RBFOX3: variants seen among roughly 807,000 people sequenced by gnomAD.
The protein encoded by RBFOX3 is RNA binding fox-1 homolog 3.
A neutral mutation model predicts 48.7 loss-of-function variants in RBFOX3; 17 were observed. That is an observed-to-expected ratio of 0.35 (90% confidence interval 0.24 to 0.52). The LOEUF (loss-of-function observed/expected upper bound fraction) is 0.52, where lower values mean the gene tolerates loss of function less well. RBFOX3 is among the 20% of genes least tolerant of loss of function. The pLI is 0.94. For synonymous variants in RBFOX3, 212 were observed against 209.5 expected (o/e 1.01, Z -0.10); for missense variants, 382 against 497.5 (o/e 0.77, Z 2.21).
intron 4 of RBFOX3, among the ~76,000 whole-genome samples, chr17:79,176,186 T>C (rs2050502480): frequency 6.6e-6 from 1 of 152,204 alleles, no homozygotes; most frequent in Non-Finnish European, 1.5e-5. Flanking sequence ...GTGGATTCCC[T>C]GAGCTGTGCA....
intron 1 of RBFOX3, among the ~76,000 whole-genome samples, chr17:79,483,900 C>A (rs2079140285): frequency 6.6e-6 from 1 of 152,208 alleles, no homozygotes; most frequent in African/African-American, 2.4e-5. Context: ...ATGGAGGGGA[C>A]TGAAGGATTC....
intron 5 of RBFOX3, among the ~76,000 whole-genome samples, chr17:79,109,494 C>T (rs866371373): frequency 6.6e-6 from 1 of 152,238 alleles, no homozygotes; most frequent in African/African-American, 2.4e-5. Context: ...TGCCATCCTC[C>T]TTGGTCCCAA....
At chr17:79,398,436 A>C (rs1465150795) in intron 2 of RBFOX3, among the ~76,000 whole-genome samples, 1 of 151,968 alleles carries the variant, frequency 6.6e-6, no homozygotes, top group Admixed American at 6.5e-5. Flanking sequence ...GCCTGACGAT[A>C]TCTGTCAGCG....
intron 4 of RBFOX3, among the ~76,000 whole-genome samples, chr17:79,175,126 T>C (rs955521803): frequency 2.0e-5 from 3 of 152,002 alleles, no homozygotes; most frequent in Admixed American, 2.0e-4. Context: ...ACATGATAAC[T>C]CCGCCAGGGC....
intron 3 of RBFOX3, among the ~76,000 whole-genome samples, chr17:79,253,137 C>T (rs566519935): frequency 6.6e-6 from 1 of 152,266 alleles, no homozygotes; most frequent in South Asian, 2.1e-4. Context: ...TGGCGGCCGA[C>T]AGACACCGCA....
chr17:79,390,880 G>A lies in RBFOX3; in HGVS notation c.-174-83056C>T, dbSNP rs1016106748. ...AGGCACCTTCCTGCCCAGACACCTC[G>A]GGATGAGCCCCTGGTGGGACTGCTC... On this transcript the variant is annotated intron_variant, in intron 2 of 14. Coordinates refer to ENST00000693108, the MANE Select transcript of RBFOX3 (RefSeq NM_001350451.2). This position sits in a 1 kb window ranked among gnomAD's most constrained non-coding sequence, Gnocchi z 4.2. 3.3e-5 allele frequency among the ~76,000 whole-genome samples: 5 copies of A among 152,156 alleles called. No homozygotes were observed. The highest frequency in any genetic ancestry group is 2.0e-4 in the Admixed American group (3 of 15,280).
intron 4 of RBFOX3, among the ~76,000 whole-genome samples, chr17:79,126,813 G>A (rs922223373): frequency 3.9e-5 from 6 of 152,246 alleles, no homozygotes; most frequent in South Asian, 2.1e-4. Flanking sequence ...CCTCCTGACC[G>A]GTGCTTTACT....
At chr17:79,560,737 C>T (rs1336124705) in intron 1 of RBFOX3, among the ~76,000 whole-genome samples, 4 of 152,230 alleles carry the variant, frequency 2.6e-5, no homozygotes, top group Non-Finnish European at 2.9e-5. Flanking sequence ...CCCCCACCCA[C>T]TTCCCCACCC....
the RBFOX3 span, among the ~76,000 whole-genome samples, chr17:79,638,186 A>G: frequency 6.6e-6 from 1 of 152,214 alleles, no homozygotes; most frequent in Non-Finnish European, 1.5e-5. Context: ...TCAAGGAAGT[A>G]GAAAAAGAGA....
At chr17:79,424,804 C>T (rs534678251) in intron 2 of RBFOX3, among the ~76,000 whole-genome samples, 2 of 152,264 alleles carry the variant, frequency 1.3e-5, no homozygotes, top group South Asian at 4.1e-4. Flanking sequence ...CCTGCCTGGA[C>T]GGATGCTGGT....
intron 3 of RBFOX3, among the ~76,000 whole-genome samples, chr17:79,251,375 T>C (rs978578337): frequency 4.6e-5 from 7 of 152,120 alleles, no homozygotes; most frequent in Admixed American, 2.0e-4. Flanking sequence ...CCCCTCCCAG[T>C]ATAGTCAATG....
At chr17:79,225,887 A>T (rs1197963626) in intron 4 of RBFOX3, among the ~76,000 whole-genome samples, 2 of 151,936 alleles carry the variant, frequency 1.3e-5, no homozygotes, top group African/African-American at 4.8e-5. Context: ...GTCAACAAAC[A>T]TAATTTAGAA....
At chr17:79,237,941 T>G (rs554087983) in intron 3 of RBFOX3, among the ~76,000 whole-genome samples, 2 of 52,298 alleles carry the variant, frequency 3.8e-5, no homozygotes, top group Non-Finnish European at 7.2e-5. Flanking sequence ...TTTGGGGGAT[T>G]TTTTTCTATT....
intron 2 of RBFOX3, among the ~76,000 whole-genome samples, chr17:79,402,647 GC>G (rs1333860003): frequency 9.2e-5 from 14 of 152,328 alleles, no homozygotes; most frequent in African/African-American, 3.1e-4. Flanking sequence ...TCTACGACTG[GC>G]TATCATCTTT....
rs577280218 is a variant in RBFOX3 at position 79,294,680 on chromosome 17, C to A, written c.-74+13044G>T. On this transcript the variant is annotated intron_variant, in intron 3 of 14. Transcript: ENST00000693108. Reference sequence around the variant, plus strand: ...GTTCAGCACCACGGACAGCGACCTGCGGGTGGGAGACGCTGCCAGCCACGC... The same window carrying A: ...GTTCAGCACCACGGACAGCGACCTGAGGGTGGGAGACGCTGCCAGCCACGC... 6.6e-5 allele frequency among the ~76,000 whole-genome samples: 10 copies of A among 152,260 alleles called. No individual in the cohort carries two copies. The East Asian group carries it at 1.9e-3, about 29-fold the overall frequency.
At chr17:79,548,926 T>C (rs1555792800) in intron 1 of RBFOX3, among the ~76,000 whole-genome samples, 1 of 152,230 alleles carries the variant, frequency 6.6e-6, no homozygotes, top group East Asian at 1.9e-4. Context: ...ATGGTAATTG[T>C]TGCAGTAACA....
At position 79,212,262 on chromosome 17, in the gene RBFOX3, G is replaced by A. The variant is rs1007469678; in HGVS notation, c.-34+23504C>T. Among the ~76,000 whole-genome samples, 2 of 152,114 alleles carry A rather than the reference G, an allele frequency of 1.3e-5. No individual in the cohort carries two copies. The highest frequency in any genetic ancestry group is 2.9e-5 in the Non-Finnish European group (2 of 68,008). On this transcript the variant is annotated intron_variant, in intron 4 of 14. Transcript: ENST00000693108. This position sits in a 1 kb window ranked among gnomAD's most constrained non-coding sequence, Gnocchi z 4.7. The stretch of plus-strand genomic sequence containing the variant: ...CGCTGCCCTGGGTTCTTCCAGGCTG[G>A]GGCTGGGGCTGGGGCAGGGCTGCTC...
At chr17:79,337,940 G>C (rs1377485416) in intron 2 of RBFOX3, among the ~76,000 whole-genome samples, 1 of 145,210 alleles carries the variant, frequency 6.9e-6, no homozygotes, top group Non-Finnish European at 1.5e-5. Context: ...TACTTCTCCA[G>C]ATTTTTTTTT....
At chr17:79,537,711 T>C (rs1220661215) in intron 1 of RBFOX3, among the ~76,000 whole-genome samples, 1 of 152,086 alleles carries the variant, frequency 6.6e-6, no homozygotes, top group African/African-American at 2.4e-5. Flanking sequence ...AGGCCTACCC[T>C]CTCCCCAGTC....
Sources: gnomAD v4.1 joint callset for allele counts (sites outside exome capture counted in the v4.1 genomes callset) on GRCh38, gnomAD v4.1.1 for gene constraint, Gnocchi (gnomAD v3.1) non-coding constraint, MANE v1.5 for transcripts, NCBI Gene and HGNC (gene_info 2026-07-23, HGNC 2026-07-21) for gene names.